PPM1E: variants seen among roughly 807,000 people sequenced by gnomAD.
PPM1E encodes protein phosphatase, Mg2+/Mn2+ dependent 1E, also known as protein phosphatase 1E.
A neutral mutation model predicts 65.9 loss-of-function variants in PPM1E; 20 were observed. That is an observed-to-expected ratio of 0.30 (90% confidence interval 0.21 to 0.44). The LOEUF is 0.44. Among genes scored for constraint, PPM1E ranks in the 20% least tolerant of loss-of-function variants. PPM1E has a pLI of 1.00. For synonymous variants in PPM1E, 352 were observed against 374.9 expected (o/e 0.94, Z 0.70); for missense variants, 713 against 953.1 (o/e 0.75, Z 3.32).
At chr17:58,782,724 T>C (rs1303958471) in intron 1 of PPM1E, among the ~76,000 whole-genome samples, 2 of 152,052 alleles carry the variant, frequency 1.3e-5, no homozygotes, top group Non-Finnish European at 2.9e-5. Flanking sequence ...AACTCAGGTT[T>C]TATAAAGGAT....
intron 3 of PPM1E, 119 bp from the exon 4 acceptor site, chr17:58,969,417 CATT>C: frequency 1.1e-6 from 1 of 936,090 alleles, no homozygotes. Context: ...CATTTAGTCT[CATT>C]ATTCTGAATG....
chr17:58,947,232 CCTTT>C (rs1227211201), intron 1 of PPM1E, among the ~76,000 whole-genome samples: 3 of 99,536 alleles, frequency 3.0e-5, no homozygotes, highest in South Asian at 3.5e-4. Context: ...ACACTCCTGG[CCTTT>C]TTTTTTTTTT....
At chr17:58,828,150 C>T (rs1355213327) in intron 1 of PPM1E, among the ~76,000 whole-genome samples, 2 of 151,370 alleles carry the variant, frequency 1.3e-5, no homozygotes, top group African/African-American at 2.4e-5. Flanking sequence ...ACCTAGGAGG[C>T]AGAGATTGCA....
chr17:58,797,293 A>G (rs768228766), intron 1 of PPM1E, among the ~76,000 whole-genome samples: 22 of 152,208 alleles, frequency 1.4e-4, no homozygotes, highest in Non-Finnish European at 2.9e-4. Context: ...TGACAGATGC[A>G]TGTATCTGCT....
intron 1 of PPM1E, among the ~76,000 whole-genome samples, chr17:58,831,455 G>A (rs2050605559): frequency 6.6e-6 from 1 of 152,132 alleles, no homozygotes; most frequent in Admixed American, 6.5e-5. Context: ...TATATACCTT[G>A]TGTCTTTGAA....
At chr17:58,943,630 C>T (rs2052104102) in intron 1 of PPM1E, among the ~76,000 whole-genome samples, 1 of 152,054 alleles carries the variant, frequency 6.6e-6, no homozygotes, top group South Asian at 2.1e-4. Flanking sequence ...AATGTGGTTC[C>T]CAGACCCGCA....
At chr17:58,783,585 C>T (rs1470738155) in intron 1 of PPM1E, among the ~76,000 whole-genome samples, 2 of 152,136 alleles carry the variant, frequency 1.3e-5, no homozygotes, top group African/African-American at 2.4e-5. Flanking sequence ...AAGAATTAGA[C>T]TTAATCTAGC....
rs551093133 is a variant in PPM1E, at chr17:58,796,872, G to C, written c.464+40411G>C. On this transcript the variant is annotated intron_variant, in intron 1 of 6. Coordinates refer to ENST00000308249, the MANE Select transcript of PPM1E (RefSeq NM_014906.5). ...TGTAATCCTAGCACTTTGGGAGGCTGAGGCGGGTGGATCACCTGAGGTCAG... is the reference window on the plus strand; with the variant it reads ...TGTAATCCTAGCACTTTGGGAGGCTCAGGCGGGTGGATCACCTGAGGTCAG... Among the ~76,000 whole-genome samples the C allele has an allele frequency of 1.7e-3, 253 of 152,270 alleles. 1 individual carries two copies. The highest frequency in any genetic ancestry group is 5.8e-3 in the African/African-American group (243 of 41,572).
intron 1 of PPM1E, among the ~76,000 whole-genome samples, chr17:58,828,092 G>A (rs993276232): frequency 4.6e-5 from 7 of 151,520 alleles, no homozygotes; most frequent in African/African-American, 7.3e-5. Flanking sequence ...GATGGCAGGT[G>A]CCTGTAATCT....
chr17:58,772,081 TAGAATC>T (rs2049944517), intron 1 of PPM1E, among the ~76,000 whole-genome samples: 1 of 152,188 alleles, frequency 6.6e-6, no homozygotes, highest in African/African-American at 2.4e-5. Context: ...CAGTAAGTGT[TAGAATC>T]AGAATTTGAA....
chr17:58,929,159 T>C (rs1031669092), intron 1 of PPM1E, among the ~76,000 whole-genome samples: 9 of 152,270 alleles, frequency 5.9e-5, no homozygotes, highest in Admixed American at 4.6e-4. Flanking sequence ...TACAATAATA[T>C]GATGAATCTC....
chr17:58,831,704 T>C (rs1425157508), intron 1 of PPM1E, among the ~76,000 whole-genome samples: 2 of 152,220 alleles, frequency 1.3e-5, no homozygotes, highest in Non-Finnish European at 2.9e-5. Context: ...ATTCTTGATG[T>C]CATCCCCCTA....
At chr17:58,916,009 G>A (rs1406832318) in intron 1 of PPM1E, among the ~76,000 whole-genome samples, 2 of 152,056 alleles carry the variant, frequency 1.3e-5, no homozygotes, top group Non-Finnish European at 2.9e-5. Context: ...ATTGTGTTGT[G>A]GTTTTTCTTA....
chr17:58,764,325 T>A (rs1891812792), intron 1 of PPM1E, among the ~76,000 whole-genome samples: 2 of 152,160 alleles, frequency 1.3e-5, no homozygotes, highest in African/African-American at 4.8e-5. Flanking sequence ...AACACATATC[T>A]AACCATTTTT....
chr17:58,825,065 G>C (rs1214690481), intron 1 of PPM1E, among the ~76,000 whole-genome samples: 1 of 151,838 alleles, frequency 6.6e-6, no homozygotes. Flanking sequence ...TACAAATATG[G>C]AGCAGTGTAT....
intron 1 of PPM1E, among the ~76,000 whole-genome samples, chr17:58,909,956 G>A (rs1333308743): frequency 9.1e-6 from 1 of 109,952 alleles, no homozygotes; most frequent in Admixed American, 1.2e-4. Context: ...AGACTGGAGT[G>A]CAGTGGTGCT....
At chr17:58,942,111 T>C (rs1446429113) in intron 1 of PPM1E, among the ~76,000 whole-genome samples, 1 of 149,682 alleles carries the variant, frequency 6.7e-6, no homozygotes, top group Non-Finnish European at 1.5e-5. Context: ...AATAGCTGGG[T>C]GCAGTGGCTC....
intron 1 of PPM1E, among the ~76,000 whole-genome samples, chr17:58,812,652 C>G (rs2050380716): frequency 6.6e-6 from 1 of 152,182 alleles, no homozygotes; most frequent in South Asian, 2.1e-4. Flanking sequence ...CTCCTGGGTT[C>G]AAGCAATTCT....
intron 6 of PPM1E, among the ~76,000 whole-genome samples, chr17:58,974,394 T>G (rs1490387474): frequency 1.3e-5 from 2 of 152,116 alleles, no homozygotes; most frequent in African/African-American, 4.8e-5. Flanking sequence ...GAACCCTATA[T>G]CCCTGGGACT....
Sources: allele counts gnomAD v4.1 joint callset (sites outside exome capture counted in the v4.1 genomes callset), GRCh38; gene constraint gnomAD v4.1.1; transcripts MANE v1.5; gene names NCBI Gene and HGNC (gene_info 2026-07-23, HGNC 2026-07-21).